The following WSCD2 variants were observed in gnomAD, a reference collection of about 807,000 sequenced individuals.
WSCD2 encodes the protein sialate:O-sulfotransferase 2.
A neutral mutation model predicts 55.7 loss-of-function variants in WSCD2; 28 were observed. The ratio of observed to expected loss-of-function variants is 0.50; its 90% CI spans 0.37 to 0.69. The LOEUF (loss-of-function observed/expected upper bound fraction) is 0.69, where lower values mean the gene tolerates loss of function less well. Ranked by LOEUF, WSCD2 falls within the 30% of genes least tolerant of loss-of-function variation. The probability of loss-of-function intolerance (pLI) is 0.00; values close to 1 mark genes in which losing one functional copy is unlikely to be tolerated. For missense variants in WSCD2, 616 were observed against 762.1 expected (o/e 0.81, Z 2.26); for synonymous variants, 301 against 301.9 (o/e 1.00, Z 0.03).
At chr12:108,202,957 A>G (rs1465118536) in intron 2 of WSCD2, among the ~76,000 whole-genome samples, 9 of 152,178 alleles carry the variant, frequency 5.9e-5, no homozygotes, top group Non-Finnish European at 1.5e-5. Context: ...TCCCAGCTCC[A>G]TCCTCCTCCT....
intron 4 of WSCD2, among the ~76,000 whole-genome samples, chr12:108,213,133 G>T (rs1174667760): frequency 6.6e-6 from 1 of 152,222 alleles, no homozygotes; most frequent in East Asian, 1.9e-4. Context: ...GATGAGGTAT[G>T]GAGAGGCTCA....
chr12:108,222,444 T>G (rs771712864), intron 4 of WSCD2, among the ~76,000 whole-genome samples: 2 of 152,242 alleles, frequency 1.3e-5, no homozygotes, highest in Non-Finnish European at 2.9e-5. Context: ...AGCTGATGTT[T>G]CTGAAGTGCT....
intron 2 of WSCD2, 112 bp downstream of exon 2, chr12:108,196,326 C>A: frequency 7.2e-7 from 1 of 1,392,196 alleles, no homozygotes; most frequent in Non-Finnish European, 9.5e-7. Context: ...GCTGTCATAT[C>A]ATTGTAGCTA....
Position 108,210,428 on chromosome 12 carries a change from C to G in WSCD2, c.682+123C>G. 7.7e-7 allele frequency: 1 copy of G among 1,299,788 alleles called. No homozygotes were observed. The highest frequency in any genetic ancestry group is 2.5e-5 in the East Asian group (1 of 39,458). 80.5% of individuals were successfully genotyped at this position (1,299,788 alleles called of 1,614,324 possible). A position where few individuals can be genotyped will look rare whatever the true frequency, so the allele number is the denominator to read the frequency against. On this transcript the variant is annotated intron_variant, in intron 4 of 8. Coordinates refer to ENST00000547525, the MANE Select transcript of WSCD2 (RefSeq NM_014653.4). The surrounding 1 kb of genome is among the most constrained non-coding windows in gnomAD (Gnocchi z 4.3). ...CTCCCCATCACTCCAAGGCCACCAC[C>G]GTCCTGCCCCTGCCTCACCTCTCCC...
chr12:108,204,542 G>A lies in WSCD2; in HGVS notation c.383-1747G>A, dbSNP rs533353069. ...CCCAGCTCAGGTGTGAACAGCATTC[G>A]TGCCCCAAGTCAAGGGCTGTGACTC... On this transcript the variant is annotated intron_variant, in intron 2 of 8. Coordinates refer to ENST00000547525, the MANE Select transcript of WSCD2 (RefSeq NM_014653.4). Among the ~76,000 whole-genome samples, 10 of 152,302 alleles carry A rather than the reference G, an allele frequency of 6.6e-5. No individual in the cohort carries two copies. In the South Asian group the frequency reaches 8.3e-4, roughly 13 times the overall value.
intron 7 of WSCD2, among the ~76,000 whole-genome samples, chr12:108,234,432 G>A (rs928125617): frequency 1.3e-5 from 2 of 152,176 alleles, no homozygotes; most frequent in Non-Finnish European, 2.9e-5. Flanking sequence ...GTTGGCAACG[G>A]GTCAGGCAGG....
chr12:108,154,309 T>C (rs1452178188), intron 1 of WSCD2, among the ~76,000 whole-genome samples: 1 of 152,164 alleles, frequency 6.6e-6, no homozygotes, highest in African/African-American at 2.4e-5. Context: ...GAAAATTGGC[T>C]CCTTGCCTTT....
chr12:108,248,236 T>C lies in WSCD2; in HGVS notation c.1591T>C (p.Tyr531His), dbSNP rs1334660303. 1 of 1,614,094 alleles carries C rather than the reference T, an allele frequency of 6.2e-7. No homozygotes were observed. The highest frequency in any genetic ancestry group is 8.5e-7 in the Non-Finnish European group (1 of 1,180,044). The change falls in exon 9 of 9, where the codon TAT (tyrosine) becomes CAT (histidine). Residue 531 changes from tyrosine to histidine, a missense_variant. Physicochemically the swap from Tyr to His is moderately conservative, Grantham distance 83. Transcript: ENST00000547525. This position sits in a 1 kb window ranked among gnomAD's most constrained non-coding sequence, Gnocchi z 4.3. ...SGLRKLEYDPYTADMQKTISA... is the reference protein window; with the variant it reads ...SGLRKLEYDPHTADMQKTISA... Reference sequence around the variant, plus strand: ...GCTCCGGAAGCTCGAGTATGACCCCTATACTGCGGACATGCAGAAGACCAT... The same window carrying C: ...GCTCCGGAAGCTCGAGTATGACCCCCATACTGCGGACATGCAGAAGACCAT...
chr12:108,242,536 A>G (rs73401827), intron 8 of WSCD2, among the ~76,000 whole-genome samples: 26,731 of 152,078 alleles, frequency 0.18, 2,636 homozygotes, highest in East Asian at 0.4. Context: ...TACGGTCCCT[A>G]GAGGAGAGTG....
intron 7 of WSCD2, among the ~76,000 whole-genome samples, chr12:108,238,664 G>C (rs1442039489): frequency 3.9e-5 from 6 of 152,212 alleles, no homozygotes; most frequent in Admixed American, 2.6e-4. Context: ...TTTTACAGAT[G>C]AGGAAAACTG....
chr12:108,221,734 G>A (rs879934097), intron 4 of WSCD2, among the ~76,000 whole-genome samples: 6 of 152,220 alleles, frequency 3.9e-5, no homozygotes, highest in Non-Finnish European at 5.9e-5. Flanking sequence ...TGGAGCAGGC[G>A]TTCCCACACC....
At chr12:108,172,169 A>G (rs1169836848) in intron 1 of WSCD2, among the ~76,000 whole-genome samples, 2 of 152,212 alleles carry the variant, frequency 1.3e-5, no homozygotes, top group African/African-American at 4.8e-5. Context: ...CCTTACAGAC[A>G]GGGGAATGGA....
chr12:108,223,684 C>T (rs1012997465), intron 4 of WSCD2, among the ~76,000 whole-genome samples: 2 of 152,206 alleles, frequency 1.3e-5, no homozygotes, highest in African/African-American at 4.8e-5. Context: ...TGATCAATGG[C>T]TCACAACTGC....
intron 6 of WSCD2, among the ~76,000 whole-genome samples, chr12:108,230,898 A>C (rs374543220): frequency 1.3e-5 from 2 of 152,182 alleles, no homozygotes; most frequent in African/African-American, 4.8e-5. Context: ...AGAAGGGAGG[A>C]AACATGAAGG....
intron 1 of WSCD2, among the ~76,000 whole-genome samples, chr12:108,136,486 G>A (rs1331448036): frequency 2.6e-5 from 4 of 152,176 alleles, no homozygotes; most frequent in Non-Finnish European, 5.9e-5. Flanking sequence ...GCAGGACCCT[G>A]ACCTGGGGAC....
At chr12:108,236,131 C>T (rs963318704) in intron 7 of WSCD2, among the ~76,000 whole-genome samples, 2 of 152,212 alleles carry the variant, frequency 1.3e-5, no homozygotes, top group Admixed American at 1.3e-4. Flanking sequence ...GATCCCCTGG[C>T]AACTCTTGCT....
Position 108,248,221 on chromosome 12 carries a change from C to T in WSCD2, c.1576C>T (p.Leu526Phe). ...CTTCAAGCGCTCAGGGCTCCGGAAG[C>T]TCGAGTATGACCCCTATACTGCGGA... is the stretch of plus-strand genomic sequence containing the variant. ...GNFKRSGLRKLEYDPYTADMQ... is the reference protein window; with the variant it reads ...GNFKRSGLRKFEYDPYTADMQ... The change falls in exon 9 of 9, where the codon CTC becomes TTC. Residue 526 changes from leucine (L) to phenylalanine (F), a missense_variant. Transcript: ENST00000547525. This position sits in a 1 kb window ranked among gnomAD's most constrained non-coding sequence, Gnocchi z 4.3. 6.2e-7 allele frequency: 1 copy of T among 1,614,234 alleles called. No individual in the cohort carries two copies. Among genetic ancestry groups the T allele is most frequent in the East Asian group, 2.2e-5 (1 of 44,880 alleles).
intron 2 of WSCD2, among the ~76,000 whole-genome samples, chr12:108,203,363 T>A (rs993324296): frequency 6.6e-6 from 1 of 152,188 alleles, no homozygotes; most frequent in South Asian, 2.1e-4. Context: ...TTGGCCTTGG[T>A]GCCAGGGACT....
At position 108,221,058 on chromosome 12, in the gene WSCD2, T is replaced by A. The variant is rs34980046; in HGVS notation, c.683-3681T>A. On this transcript the variant is annotated intron_variant, in intron 4 of 8. Coordinates refer to ENST00000547525, the MANE Select transcript of WSCD2 (RefSeq NM_014653.4). ...GCCTATGGCTGCTGTGCAGACTGAA[T>A]GGACCCAGAGTTCCCAGCATGGAGC... Among the ~76,000 whole-genome samples, 268 of 152,252 alleles carry A rather than the reference T, an allele frequency of 1.8e-3. 3 individuals are homozygous for A. Among genetic ancestry groups the A allele is most frequent in the African/African-American group, 6.3e-3 (262 of 41,524 alleles).
Sources: allele counts gnomAD v4.1 joint callset (sites outside exome capture counted in the v4.1 genomes callset), GRCh38; gene constraint gnomAD v4.1.1; non-coding constraint Gnocchi (gnomAD v3.1); transcripts MANE v1.5; gene names NCBI Gene and HGNC (gene_info 2026-07-23, HGNC 2026-07-21).